GMPR: variants seen among roughly 807,000 people sequenced by gnomAD.
GMPR encodes the protein guanosine monophosphate reductase.
Under a neutral mutation model 38.4 loss-of-function variants are expected in GMPR, and 31 were observed. That is an observed-to-expected ratio of 0.81 (90% CI 0.61 to 1.09). The LOEUF is 1.09. Ranked by LOEUF, GMPR falls within the 50% of genes least tolerant of loss-of-function variation. The pLI, the probability that GMPR is intolerant of heterozygous loss-of-function variation, is 0.00. For missense variants in GMPR, 468 were observed against 453.7 expected, an observed-to-expected ratio of 1.03 and a Z score of -0.29; for synonymous variants, 162 against 173.3, an observed-to-expected ratio of 0.93 and a Z score of 0.51.
chr6:16,289,038 C>T lies in GMPR; in HGVS notation c.698-1424C>T, dbSNP rs562597501. Reference sequence around the variant, plus strand: ...AGCAGGCTGCCGGAGCCAGCAGTGGCAAACCCTTCTGGCTCCTTTTCTTTG... The same window carrying T: ...AGCAGGCTGCCGGAGCCAGCAGTGGTAAACCCTTCTGGCTCCTTTTCTTTG... On this transcript the variant is annotated intron_variant, in intron 7 of 8. Coordinates refer to ENST00000259727, the MANE Select transcript of GMPR (RefSeq NM_006877.4). Among the ~76,000 whole-genome samples the T allele has an allele frequency of 2.2e-4, 33 of 152,196 alleles. No homozygotes were observed. In the South Asian group the frequency reaches 2.7e-3, roughly 12 times the overall value.
intron 4 of GMPR, among the ~76,000 whole-genome samples, chr6:16,267,598 C>G (rs1759283883): frequency 6.6e-6 from 1 of 152,036 alleles, no homozygotes; most frequent in South Asian, 2.1e-4. Flanking sequence ...GGAACAAACT[C>G]CGGACACGCC....
intron 1 of GMPR, among the ~76,000 whole-genome samples, chr6:16,243,333 A>G (rs867128068): frequency 7.2e-5 from 11 of 152,244 alleles, no homozygotes; most frequent in South Asian, 6.2e-4. Flanking sequence ...AGCCCTTTCC[A>G]TTTGTGGAAC....
intron 4 of GMPR, among the ~76,000 whole-genome samples, chr6:16,256,763 G>A (rs1031589373): frequency 6.6e-6 from 1 of 152,108 alleles, no homozygotes; most frequent in African/African-American, 2.4e-5. Flanking sequence ...TGTAGATAAG[G>A]GTGCTAAGAG....
intron 7 of GMPR, chr6:16,289,544 T>C (rs1759790183): frequency 6.6e-6 from 1 of 152,280 alleles, no homozygotes; most frequent in African/African-American, 2.4e-5. Flanking sequence ...CTCCTGTGCC[T>C]GTCCTGGAAA....
intron 4 of GMPR, among the ~76,000 whole-genome samples, chr6:16,272,865 T>C (rs1412680720): frequency 1.3e-5 from 2 of 152,168 alleles, no homozygotes; most frequent in South Asian, 2.1e-4. Flanking sequence ...GATTTTGCCA[T>C]GTTGCCCAAG....
At chr6:16,269,599 C>A (rs1261676686) in intron 4 of GMPR, among the ~76,000 whole-genome samples, 12 of 152,064 alleles carry the variant, frequency 7.9e-5, no homozygotes, top group Non-Finnish European at 1.5e-5. Flanking sequence ...AGTTTGAGAC[C>A]AGCCTGGCCA....
chr6:16,266,859 C>T (rs1019798017), intron 4 of GMPR, among the ~76,000 whole-genome samples: 7 of 151,468 alleles, frequency 4.6e-5, no homozygotes, highest in Non-Finnish European at 7.4e-5. Context: ...CTGAAGTCAG[C>T]GAGACCACGA....
chr6:16,282,998 A>G (rs945195345), intron 6 of GMPR, among the ~76,000 whole-genome samples: 13 of 152,014 alleles, frequency 8.6e-5, no homozygotes, highest in African/African-American at 2.7e-4. Flanking sequence ...TAGTAGAGAC[A>G]GGGTTTCACC....
At chr6:16,288,246 G>A (rs1270510289) in intron 7 of GMPR, among the ~76,000 whole-genome samples, 1 of 152,260 alleles carries the variant, frequency 6.6e-6, no homozygotes, top group Non-Finnish European at 1.5e-5. Flanking sequence ...CTTGAAGGGA[G>A]GTGTGGAGGG....
intron 4 of GMPR, among the ~76,000 whole-genome samples, chr6:16,260,116 T>C (rs897310857): frequency 6.6e-6 from 1 of 151,998 alleles, no homozygotes; most frequent in Admixed American, 6.6e-5. Flanking sequence ...TGAGGACAGG[T>C]CTGACTTCTG....
chr6:16,245,008 C>T (rs1030368264), intron 1 of GMPR, among the ~76,000 whole-genome samples: 1 of 152,104 alleles, frequency 6.6e-6, no homozygotes, highest in Non-Finnish European at 1.5e-5. Flanking sequence ...TAGCAGCTAG[C>T]CCCATGCCTG....
intron 2 of GMPR, among the ~76,000 whole-genome samples, chr6:16,248,976 A>G (rs1243920511): frequency 1.3e-5 from 2 of 152,172 alleles, no homozygotes; most frequent in East Asian, 3.9e-4. Context: ...TCTAGGATCC[A>G]TAGAACTAGC....
intron 7 of GMPR, among the ~76,000 whole-genome samples, chr6:16,289,061 T>G (rs1025832390): frequency 1.3e-5 from 2 of 152,176 alleles, no homozygotes; most frequent in East Asian, 1.9e-4. Flanking sequence ...CTCCTTTTCT[T>G]TGGGAGGGTG....
intron 7 of GMPR, among the ~76,000 whole-genome samples, chr6:16,288,407 C>G (rs1268677508): frequency 6.6e-6 from 1 of 152,224 alleles, no homozygotes; most frequent in African/African-American, 2.4e-5. Flanking sequence ...GGGCCAGCAG[C>G]TGCGGAGGGT....
At chr6:16,255,473 A>T (rs1057347283) in intron 4 of GMPR, among the ~76,000 whole-genome samples, 3 of 152,208 alleles carry the variant, frequency 2.0e-5, no homozygotes, top group African/African-American at 7.2e-5. Flanking sequence ...AGTCTACGTT[A>T]TGAACATTTC....
chr6:16,242,410 G>T (rs1442556031), intron 1 of GMPR, among the ~76,000 whole-genome samples: 4 of 151,710 alleles, frequency 2.6e-5, no homozygotes, highest in Non-Finnish European at 5.9e-5. Flanking sequence ...ATACTTGGTG[G>T]CTTAAGTAAC....
At chr6:16,282,005 C>T (rs1018617793) in intron 6 of GMPR, among the ~76,000 whole-genome samples, 1 of 152,234 alleles carries the variant, frequency 6.6e-6, no homozygotes, top group Non-Finnish European at 1.5e-5. Context: ...GGCACGGGCA[C>T]GTTTCTGTCA....
At chr6:16,280,300 G>C (rs1759552584) in intron 6 of GMPR, among the ~76,000 whole-genome samples, 1 of 152,150 alleles carries the variant, frequency 6.6e-6, no homozygotes, top group African/African-American at 2.4e-5. Context: ...CTGAAGCTAG[G>C]ATCAAGGTCT....
chr6:16,270,438 A>G (rs1322387087), intron 4 of GMPR, among the ~76,000 whole-genome samples: 3 of 152,118 alleles, frequency 2.0e-5, no homozygotes, highest in Non-Finnish European at 4.4e-5. Flanking sequence ...TATCCGCTCC[A>G]CACCCAAGGT....
Sources: allele counts gnomAD v4.1 joint callset (sites outside exome capture counted in the v4.1 genomes callset), GRCh38; gene constraint gnomAD v4.1.1; transcripts MANE v1.5; gene names NCBI Gene and HGNC (gene_info 2026-07-23, HGNC 2026-07-21).